Variants in VPS13B observed in about 807,000 individuals in gnomAD.
VPS13B encodes the protein intermembrane lipid transfer protein VPS13B.
In VPS13B, 285 loss-of-function variants were observed where a neutral mutation model predicts 426.4. The ratio of observed to expected loss-of-function variants is 0.67; its 90% CI spans 0.61 to 0.74. The LOEUF is 0.74. Among genes scored for constraint, VPS13B ranks in the 30% least tolerant of loss-of-function variants. The probability of loss-of-function intolerance (pLI) is 0.00; values close to 1 mark genes in which losing one functional copy is unlikely to be tolerated. For missense variants in VPS13B, 4,537 were observed against 4,782.6 expected (o/e 0.95, Z 1.51); for synonymous variants, 1,676 against 1,676.4 (o/e 1.00, Z 0.01).
intron 19 of VPS13B, among the ~76,000 whole-genome samples, chr8:99,329,576 G>T (rs1468072195): frequency 1.3e-5 from 2 of 152,060 alleles, no homozygotes; most frequent in African/African-American, 2.4e-5. Context: ...AAATAAAATT[G>T]ATCTTTTTGA....
intron 51 of VPS13B, among the ~76,000 whole-genome samples, chr8:99,827,735 C>T (rs902742927): frequency 2.6e-5 from 4 of 151,970 alleles, no homozygotes; most frequent in African/African-American, 9.7e-5. Flanking sequence ...TATAAATATC[C>T]CTCTAAACAC....
Position 99,859,554 on chromosome 8 carries a change from G to GTT in VPS13B, c.11044+77_11044+78dup, listed in dbSNP as rs367632326. The stretch of plus-strand genomic sequence containing the variant: ...TTTTTTTTTTAAAGAATGTGCTAAA[G>GTT]TTTTAAATGCATTCAGATTGCCTCT... On this transcript the variant is annotated intron_variant, in intron 57 of 61. Transcript: ENST00000357162. The GTT allele has an allele frequency of 1.2e-4, 186 of 1,569,666 alleles. No homozygotes were observed. The African/African-American group carries it at 2.4e-3, about 20-fold the overall frequency.
intron 19 of VPS13B, among the ~76,000 whole-genome samples, chr8:99,327,840 T>G (rs918589147): frequency 6.6e-6 from 1 of 152,230 alleles, no homozygotes; most frequent in African/African-American, 2.4e-5. Flanking sequence ...TAACATTTCT[T>G]ATGAGTCTTA....
In VPS13B at chr8:99,642,511, A is replaced by G. The variant is rs1375823968; in HGVS notation, c.5908+13A>G. ...TACAAATGTATAGGTAAGAACCTTC[A>G]AACTTACTGGAGTGCTAATAATTAC... On this transcript the variant is annotated intron_variant, in intron 34 of 61. Transcript: ENST00000357162. The G allele has an allele frequency of 6.2e-7, 1 of 1,603,826 alleles. No homozygotes were observed. The highest frequency in any genetic ancestry group is 8.5e-7 in the Non-Finnish European group (1 of 1,174,854).
chr8:99,038,569 A>G lies in VPS13B; in HGVS notation c.291+3A>G. The G allele has an allele frequency of 6.2e-7, 1 of 1,611,942 alleles. No homozygotes were observed. On this transcript the variant is annotated splice_donor_region_variant and intron_variant, in intron 3 of 61. Coordinates refer to ENST00000357162, the MANE Select transcript of VPS13B (RefSeq NM_152564.5). ...TGAAACTTAAGGATGGGATACAGGTAAGAAATTATTGAACCAAGTTGTTTA... is the reference window on the plus strand; with the variant it reads ...TGAAACTTAAGGATGGGATACAGGTGAGAAATTATTGAACCAAGTTGTTTA...
In VPS13B at chr8:99,148,027, G is replaced by A. The variant is rs1161780601; in HGVS notation, c.2013+17G>A. 3 of 1,600,054 alleles carry A rather than the reference G, an allele frequency of 1.9e-6. No homozygotes were observed. Among genetic ancestry groups the A allele is most frequent in the Admixed American group, 1.7e-5 (1 of 59,280 alleles). The stretch of plus-strand genomic sequence containing the variant: ...GGAGAAAAGGTATATTTTGTGATTT[G>A]CTATATTTTTTTTCCCTCATATATG... On this transcript the variant is annotated intron_variant, in intron 14 of 61. Coordinates refer to ENST00000357162, the MANE Select transcript of VPS13B (RefSeq NM_152564.5).
At chr8:99,728,518 A>G (rs1038546650) in intron 39 of VPS13B, among the ~76,000 whole-genome samples, 4 of 152,182 alleles carry the variant, frequency 2.6e-5, no homozygotes, top group Non-Finnish European at 5.9e-5. Flanking sequence ...TGATCAAAGA[A>G]TCTGGGATTC....
chr8:99,430,707 C>G (rs576687237), intron 21 of VPS13B, among the ~76,000 whole-genome samples: 1 of 151,248 alleles, frequency 6.6e-6, no homozygotes, highest in Admixed American at 6.6e-5. Flanking sequence ...AATCCACCCC[C>G]CCCCCAACTT....
chr8:99,719,186 G>A (rs1394525399), intron 37 of VPS13B, among the ~76,000 whole-genome samples: 5 of 152,012 alleles, frequency 3.3e-5, no homozygotes, highest in Non-Finnish European at 7.4e-5. Context: ...CATTGAAAAC[G>A]ACAATGATCT....
intron 16 of VPS13B, among the ~76,000 whole-genome samples, chr8:99,171,480 G>C (rs1276857858): frequency 6.6e-6 from 1 of 151,718 alleles, no homozygotes; most frequent in Non-Finnish European, 1.5e-5. Context: ...CTTTAAAAAA[G>C]TCCATATTTT....
intron 21 of VPS13B, among the ~76,000 whole-genome samples, chr8:99,399,754 T>C (rs1814933205): frequency 6.6e-6 from 1 of 152,216 alleles, no homozygotes; most frequent in Non-Finnish European, 1.5e-5. Context: ...TAATTACACT[T>C]TATTTAGTAT....
chr8:99,387,441 T>C (rs1814188175), intron 20 of VPS13B, among the ~76,000 whole-genome samples: 1 of 152,038 alleles, frequency 6.6e-6, no homozygotes, highest in African/African-American at 2.4e-5. Context: ...CCGGCTCGTC[T>C]AAAACTCCTA....
chr8:99,092,583 TTTTA>T (rs1463707347), intron 3 of VPS13B, among the ~76,000 whole-genome samples: 2 of 152,148 alleles, frequency 1.3e-5, no homozygotes, highest in South Asian at 2.1e-4. Flanking sequence ...TTTGCTTTAT[TTTTA>T]TTTATTTAAT....
chr8:99,284,796 A>G (rs1382953919), intron 19 of VPS13B, among the ~76,000 whole-genome samples: 1 of 152,004 alleles, frequency 6.6e-6, no homozygotes, highest in African/African-American at 2.4e-5. Context: ...CCTACGTTCA[A>G]GCGATCTTTC....
intron 30 of VPS13B, among the ~76,000 whole-genome samples, chr8:99,522,600 G>A (rs998156645): frequency 1.3e-5 from 2 of 151,488 alleles, no homozygotes; most frequent in African/African-American, 4.9e-5. Flanking sequence ...ACTCTTCTTG[G>A]GTGAGGCTCT....
chr8:99,452,662 A>C (rs1818256260), intron 23 of VPS13B, among the ~76,000 whole-genome samples: 1 of 152,336 alleles, frequency 6.6e-6, no homozygotes, highest in Admixed American at 6.5e-5. Flanking sequence ...AAATGAAAAA[A>C]AGGGGGGAAA....
At chr8:99,630,980 A>G (rs1828820691) in intron 33 of VPS13B, among the ~76,000 whole-genome samples, 1 of 152,142 alleles carries the variant, frequency 6.6e-6, no homozygotes, top group African/African-American at 2.4e-5. Context: ...TGAGCTTTTG[A>G]GAAGAAAAAA....
intron 17 of VPS13B, among the ~76,000 whole-genome samples, chr8:99,252,614 T>C (rs1034903044): frequency 6.6e-6 from 1 of 152,114 alleles, no homozygotes; most frequent in African/African-American, 2.4e-5. Context: ...TTATATTTGT[T>C]GTTGAGAGGG....
At chr8:99,304,383 A>T (rs1474734049) in intron 19 of VPS13B, among the ~76,000 whole-genome samples, 1 of 152,010 alleles carries the variant, frequency 6.6e-6, no homozygotes, top group Non-Finnish European at 1.5e-5. Flanking sequence ...GGCAGATGTG[A>T]TTGCTTTAAA....
Sources: gnomAD v4.1 joint callset for allele counts (sites outside exome capture counted in the v4.1 genomes callset) on GRCh38, gnomAD v4.1.1 for gene constraint, MANE v1.5 for transcripts, NCBI Gene and HGNC (gene_info 2026-07-23, HGNC 2026-07-21) for gene names.